The following SCIN variants were observed in gnomAD, a reference collection of about 807,000 sequenced individuals.
The protein encoded by SCIN is scinderin.
In SCIN, 91 loss-of-function variants were observed where a neutral mutation model predicts 91.8. That is an observed-to-expected ratio of 0.99 (90% CI 0.84 to 1.18). The LOEUF (loss-of-function observed/expected upper bound fraction) is 1.18, where lower values mean the gene tolerates loss of function less well. Ranked by LOEUF, SCIN falls within the 50% of genes most tolerant of loss-of-function variation. The pLI, the probability that SCIN is intolerant of heterozygous loss-of-function variation, is 0.00. For missense variants in SCIN, 1,087 were observed against 863.9 expected (o/e 1.26, Z -3.24); for synonymous variants, 367 against 312.6 (o/e 1.17, Z -1.84).
intron 10 of SCIN, among the ~76,000 whole-genome samples, chr7:12,639,968 G>C (rs1783824686): frequency 6.6e-6 from 1 of 152,184 alleles, no homozygotes; most frequent in South Asian, 2.1e-4. Flanking sequence ...ATCTGTAAGT[G>C]TTACTGGTGC....
chr7:12,616,727 C>G (rs1444396002), intron 4 of SCIN, among the ~76,000 whole-genome samples: 2 of 151,968 alleles, frequency 1.3e-5, no homozygotes, highest in Non-Finnish European at 2.9e-5. Context: ...GTCGTATGTA[C>G]AAGACTATAT....
intron 1 of SCIN, among the ~76,000 whole-genome samples, chr7:12,573,871 A>G (rs188236878): frequency 1.3e-5 from 2 of 152,324 alleles, no homozygotes; most frequent in East Asian, 1.9e-4. Context: ...GGATTGGATT[A>G]CAATATACGA....
At chr7:12,649,965 A>C (rs892892597) in intron 14 of SCIN, among the ~76,000 whole-genome samples, 1 of 152,144 alleles carries the variant, frequency 6.6e-6, no homozygotes, top group African/African-American at 2.4e-5. Flanking sequence ...GGGAAGAAAC[A>C]GGCAGAATAG....
chr7:12,654,738 C>T lies in SCIN; in HGVS notation c.*2023C>T, dbSNP rs1443934619. On this transcript the variant is annotated 3_prime_UTR_variant, in exon 16 of 16. Transcript: ENST00000297029. ...CTCCAATTTATAGCACAGGCCGAGG[C>T]ATATAGTAGGGTCTCAGTTAATATT... 3 of 152,146 alleles carry T rather than the reference C, an allele frequency of 2.0e-5. No individual in the cohort carries two copies. The highest frequency in any genetic ancestry group is 7.2e-5 in the African/African-American group (3 of 41,510). 9.4% of individuals were successfully genotyped at this position (152,146 alleles called of 1,614,324 possible). A position where few individuals can be genotyped will look rare whatever the true frequency, so the allele number is the denominator to read the frequency against.
chr7:12,584,048 T>C (rs1782539924), intron 3 of SCIN, among the ~76,000 whole-genome samples: 1 of 152,170 alleles, frequency 6.6e-6, no homozygotes, highest in Non-Finnish European at 1.5e-5. Flanking sequence ...ACATAATCTA[T>C]GGCAAATACC....
rs1783591509 is a variant in SCIN at position 12,629,142 on chromosome 7, A to G, written c.1239A>G (p.Gln413=). 6.2e-7 allele frequency: 1 copy of G among 1,613,324 alleles called. No homozygotes were observed. The highest frequency in any genetic ancestry group is 8.5e-7 in the Non-Finnish European group (1 of 1,179,464). Reference sequence around the variant, plus strand: ...ACAATGGTAGGATCCAAGTTGACCAAAACTCATATGGTGAATTCTATGGTG... The same window carrying G: ...ACAATGGTAGGATCCAAGTTGACCAGAACTCATATGGTGAATTCTATGGTG... ...VENNGRIQVD[Q]NSYGEFYGGD... The change falls in exon 9 of 16, where the codon CAA becomes CAG. Residue 413 remains glutamine (Q), a synonymous_variant. Coordinates refer to ENST00000297029, the MANE Select transcript of SCIN (RefSeq NM_001112706.3).
intron 4 of SCIN, among the ~76,000 whole-genome samples, chr7:12,608,676 A>C (rs973963929): frequency 4.0e-5 from 6 of 151,862 alleles, no homozygotes; most frequent in African/African-American, 1.4e-4. Flanking sequence ...ACGGGGTTTC[A>C]CTCTGTTGGC....
At chr7:12,620,411 A>G (rs1160416918) in intron 4 of SCIN, among the ~76,000 whole-genome samples, 1 of 152,038 alleles carries the variant, frequency 6.6e-6, no homozygotes, top group Non-Finnish European at 1.5e-5. Flanking sequence ...TATGAATTGG[A>G]TATTTTGGAT....
chr7:12,627,454 C>T (rs2529783), intron 8 of SCIN, among the ~76,000 whole-genome samples: 2 of 152,250 alleles, frequency 1.3e-5, no homozygotes, highest in East Asian at 3.9e-4. Context: ...TTATCATATA[C>T]CTACCACAGA....
intron 4 of SCIN, among the ~76,000 whole-genome samples, chr7:12,621,904 C>A (rs1231616560): frequency 2.6e-5 from 4 of 151,242 alleles, no homozygotes; most frequent in African/African-American, 9.7e-5. Flanking sequence ...TAAGGAATAG[C>A]GAATATAAAA....
At chr7:12,634,486 C>CA (rs11340159) in intron 9 of SCIN, among the ~76,000 whole-genome samples, 125 of 140,138 alleles carry the variant, frequency 8.9e-4, no homozygotes, top group Non-Finnish European at 1.1e-3. Context: ...ACTCCATCTC[C>CA]AAAAAAAAAA....
chr7:12,598,759 G>T (rs1425117075), intron 3 of SCIN, among the ~76,000 whole-genome samples: 2 of 152,066 alleles, frequency 1.3e-5, no homozygotes, highest in South Asian at 2.1e-4. Context: ...AACAAAAAAA[G>T]TTCGCTAGGC....
At chr7:12,604,445 A>G (rs1019153406) in intron 3 of SCIN, 69 bp from the exon 4 acceptor site, 38 of 1,361,798 alleles carry the variant, frequency 2.8e-5, no homozygotes, top group Non-Finnish European at 3.4e-5. Context: ...AATTAATCAC[A>G]AGTATTACAC....
chr7:12,578,998 CAGTT>C (rs1208624556), intron 2 of SCIN, among the ~76,000 whole-genome samples: 1 of 148,370 alleles, frequency 6.7e-6, no homozygotes, highest in Non-Finnish European at 1.5e-5. Context: ...CACACGTGTT[CAGTT>C]AAAGTGTGAG....
chr7:12,625,118 G>A lies in SCIN; in HGVS notation c.868G>A (p.Ala290Thr), dbSNP rs745997645. Residue 290 changes from alanine (A) to threonine (T), a missense_variant, in exon 6 of 16, where the codon GCC becomes ACC. Transcript: ENST00000297029. ...EECFILDHGA[A>T]KQIFVWKGKD... Reference sequence around the variant, plus strand: ...ATGCTTTATTTTGGACCACGGGGCTGCCAAACAAATTTTCGTATGGAAAGG... The same window carrying A: ...ATGCTTTATTTTGGACCACGGGGCTACCAAACAAATTTTCGTATGGAAAGG... 1.3e-5 allele frequency: 21 copies of A among 1,607,304 alleles called. No homozygotes were observed. The highest frequency in any genetic ancestry group is 1.5e-5 in the Non-Finnish European group (18 of 1,177,328).
intron 4 of SCIN, among the ~76,000 whole-genome samples, chr7:12,608,965 T>C (rs1055314424): frequency 6.6e-6 from 1 of 152,242 alleles, no homozygotes; most frequent in African/African-American, 2.4e-5. Flanking sequence ...GTCTAACACA[T>C]TAAAGTGCTC....
chr7:12,608,002 G>C (rs1329117879), intron 4 of SCIN, among the ~76,000 whole-genome samples: 1 of 152,132 alleles, frequency 6.6e-6, no homozygotes, highest in Non-Finnish European at 1.5e-5. Flanking sequence ...AGCAGGAACA[G>C]TACTGTGACT....
chr7:12,605,888 T>A (rs1035844622), intron 4 of SCIN, among the ~76,000 whole-genome samples: 1 of 152,228 alleles, frequency 6.6e-6, no homozygotes, highest in Non-Finnish European at 1.5e-5. Flanking sequence ...AATTAAGTGT[T>A]CATGGCTCTA....
At chr7:12,584,131 G>A (rs1049772612) in intron 3 of SCIN, among the ~76,000 whole-genome samples, 1 of 152,174 alleles carries the variant, frequency 6.6e-6, no homozygotes, top group African/African-American at 2.4e-5. Context: ...ATGGTGATAA[G>A]ATCTTGAACT....
Sources: allele counts gnomAD v4.1 joint callset (sites outside exome capture counted in the v4.1 genomes callset), GRCh38; gene constraint gnomAD v4.1.1; transcripts MANE v1.5; gene names NCBI Gene and HGNC (gene_info 2026-07-23, HGNC 2026-07-21).